Variants in SH3KBP1 observed in about 807,000 individuals in gnomAD.
The protein encoded by SH3KBP1 is SH3 domain-containing kinase-binding protein 1.
SH3KBP1 carries 8 observed loss-of-function variants against 50.1 expected under a neutral mutation model. The ratio of observed to expected loss-of-function variants is 0.16; its 90% confidence interval spans 0.09 to 0.29. The LOEUF is 0.29. Among genes scored for constraint, SH3KBP1 ranks in the 10% least tolerant of loss-of-function variants. The pLI, the probability that SH3KBP1 is intolerant of heterozygous loss-of-function variation, is 1.00. For synonymous variants in SH3KBP1, 227 were observed against 218.6 expected, an observed-to-expected ratio of 1.04 and a Z score of -0.34; for missense variants, 377 against 535.2, an observed-to-expected ratio of 0.70 and a Z score of 2.92.
At chrX:19,874,086 T>TATATATATATATATATATATATAA (rs1206834816) in intron 1 of SH3KBP1, among the ~76,000 whole-genome samples, 1 of 86,450 alleles carries the variant, frequency 1.2e-5, no homozygotes, top group African/African-American at 5.1e-5. Context: ...TATATATATA[T>TATATATATATATATATATATATAA]AAAACTCTAA....
chrX:19,703,299 A>G (rs1470170439), intron 4 of SH3KBP1, among the ~76,000 whole-genome samples: 2 of 111,042 alleles, frequency 1.8e-5, no homozygotes, highest in African/African-American at 6.6e-5. Flanking sequence ...GTGAGGAGGG[A>G]TAAAGGTAAT....
Position 19,732,150 on chromosome X carries a change from G to C in SH3KBP1, c.286+14168C>G, listed in dbSNP as rs190093876. On this transcript the variant is annotated intron_variant, in intron 3 of 17. Transcript: ENST00000397821. ...AATAATTGTACATATTTATGGGGTA[G>C]AGTGTGATGTTATGATCCATGTATA... 7.8e-4 allele frequency among the ~76,000 whole-genome samples: 87 copies of C among 111,432 alleles called. 2 individuals are homozygous for C. The highest frequency in any genetic ancestry group is 5.2e-3 in the Admixed American group (55 of 10,485).
At chrX:19,562,927 A>G (rs1344772380) in intron 13 of SH3KBP1, among the ~76,000 whole-genome samples, 1 of 112,441 alleles carries the variant, frequency 8.9e-6, no homozygotes, top group Non-Finnish European at 1.9e-5. Flanking sequence ...CACCAAATGC[A>G]CTGCTGCAGT....
chrX:19,854,832 C>A (rs765793998), intron 1 of SH3KBP1, among the ~76,000 whole-genome samples: 1 of 111,356 alleles, frequency 9.0e-6, no homozygotes, highest in South Asian at 3.8e-4. Context: ...TCTGAGGTCA[C>A]CTTCAAAACC....
At chrX:19,828,029 G>A (rs1156754954) in intron 2 of SH3KBP1, among the ~76,000 whole-genome samples, 1 of 109,749 alleles carries the variant, frequency 9.1e-6, no homozygotes, top group African/African-American at 3.3e-5. Flanking sequence ...CCGCCAGGAG[G>A]GTCACCTGAC....
At chrX:19,697,181 T>C in intron 4 of SH3KBP1, among the ~76,000 whole-genome samples, 1 of 112,418 alleles carries the variant, frequency 8.9e-6, no homozygotes, top group East Asian at 2.8e-4. Context: ...TTTCAACTTA[T>C]GATATTTTCA....
chrX:19,626,473 A>T (rs1246295086), intron 8 of SH3KBP1, among the ~76,000 whole-genome samples: 1 of 111,942 alleles, frequency 8.9e-6, no homozygotes, highest in African/African-American at 3.3e-5. Context: ...GTTGTCAATA[A>T]TCTTCAGTGG....
In SH3KBP1 at chrX:19,830,338, G is replaced by C. The variant is rs201668011; in HGVS notation, c.162+5787C>G. On this transcript the variant is annotated intron_variant, in intron 2 of 17. Coordinates refer to ENST00000397821, the MANE Select transcript of SH3KBP1 (RefSeq NM_031892.3). Reference sequence around the variant, plus strand: ...GGTTATAGAGGTACGCACTTACGTAGAAACAAAAAAAAAAAAATCATCAAG... The same window carrying C: ...GGTTATAGAGGTACGCACTTACGTACAAACAAAAAAAAAAAAATCATCAAG... 7.2e-5 allele frequency among the ~76,000 whole-genome samples: 7 copies of C among 97,681 alleles called. No individual in the cohort carries two copies. The East Asian group carries it at 1.9e-3, about 26-fold the overall frequency. 84.8% of individuals were successfully genotyped at this position (97,681 alleles called of 115,157 possible).
intron 6 of SH3KBP1, among the ~76,000 whole-genome samples, chrX:19,675,723 CT>C (rs747963293): frequency 1.8e-5 from 2 of 112,099 alleles, no homozygotes; most frequent in African/African-American, 3.2e-5. Context: ...ATTTGAAAAC[CT>C]TCTGGGAATA....
At chrX:19,537,098 T>C (rs898072667) in intron 17 of SH3KBP1, among the ~76,000 whole-genome samples, 5 of 111,443 alleles carry the variant, frequency 4.5e-5, no homozygotes, top group African/African-American at 1.6e-4. Flanking sequence ...GGAGCCATAG[T>C]GACCACATAT....
intron 3 of SH3KBP1, among the ~76,000 whole-genome samples, chrX:19,733,367 T>TA (rs748164987): frequency 1.6e-4 from 18 of 109,761 alleles, no homozygotes; most frequent in Non-Finnish European, 3.0e-4. Flanking sequence ...TTAAGAATGG[T>TA]AAAACAAATT....
chrX:19,699,015 T>C (rs993700940), intron 4 of SH3KBP1, among the ~76,000 whole-genome samples: 4 of 112,062 alleles, frequency 3.6e-5, no homozygotes, highest in Admixed American at 9.4e-5. Flanking sequence ...CAAAAGGAAC[T>C]GAGAGATCCT....
At chrX:19,739,448 G>C (rs2064704148) in intron 3 of SH3KBP1, among the ~76,000 whole-genome samples, 1 of 111,918 alleles carries the variant, frequency 8.9e-6, no homozygotes, top group African/African-American at 3.2e-5. Context: ...AGAAGAAGTA[G>C]ATAAGGGTAC....
intron 2 of SH3KBP1, among the ~76,000 whole-genome samples, chrX:19,796,593 T>C (rs1000400847): frequency 1.8e-5 from 2 of 112,226 alleles, no homozygotes; most frequent in African/African-American, 6.5e-5. Context: ...CATTTGGTGG[T>C]AAGTCATCTG....
chrX:19,597,426 T>A (rs945217003), intron 9 of SH3KBP1, among the ~76,000 whole-genome samples: 1 of 111,628 alleles, frequency 9.0e-6, no homozygotes, highest in Non-Finnish European at 1.9e-5. Flanking sequence ...TCTTTTTTTG[T>A]TGTTTTTGTT....
At chrX:19,557,036 G>A (rs1237191835) in intron 13 of SH3KBP1, among the ~76,000 whole-genome samples, 4 of 111,211 alleles carry the variant, frequency 3.6e-5, no homozygotes, top group African/African-American at 6.6e-5. Context: ...TAGATGCTTC[G>A]CATGCACACA....
At chrX:19,655,390 A>G (rs2062246705) in intron 6 of SH3KBP1, among the ~76,000 whole-genome samples, 1 of 111,789 alleles carries the variant, frequency 8.9e-6, no homozygotes, top group South Asian at 3.7e-4. Flanking sequence ...AGCACTATTC[A>G]CAATAGCAAA....
intron 6 of SH3KBP1, among the ~76,000 whole-genome samples, chrX:19,646,801 C>T (rs1459928292): frequency 8.9e-6 from 1 of 112,325 alleles, no homozygotes; most frequent in Non-Finnish European, 1.9e-5. Flanking sequence ...TGACAGAAAG[C>T]CTTTACGTCT....
intron 3 of SH3KBP1, among the ~76,000 whole-genome samples, chrX:19,736,158 G>A: frequency 8.9e-6 from 1 of 112,022 alleles, no homozygotes; most frequent in East Asian, 2.8e-4. Context: ...ATGCTCTGGG[G>A]TCTTACTAGC....
Sources: gnomAD v4.1 joint callset for allele counts (sites outside exome capture counted in the v4.1 genomes callset) on GRCh38, gnomAD v4.1.1 for gene constraint, MANE v1.5 for transcripts, NCBI Gene and HGNC (gene_info 2026-07-23, HGNC 2026-07-21) for gene names.